Variants in RPS6KA6 observed in about 807,000 individuals in gnomAD.
RPS6KA6 encodes the protein ribosomal protein S6 kinase A6.
Under a neutral mutation model 65.4 loss-of-function variants are expected in RPS6KA6, and 27 were observed. The observed-to-expected ratio is 0.41, with a 90% CI of 0.30 to 0.57. The LOEUF (loss-of-function observed/expected upper bound fraction) is 0.57, where lower values mean the gene tolerates loss of function less well. Ranked by LOEUF, RPS6KA6 falls within the 20% of genes least tolerant of loss-of-function variation. The pLI, the probability that RPS6KA6 is intolerant of heterozygous loss-of-function variation, is 0.24. For missense variants in RPS6KA6, 486 were observed against 555.6 expected, an observed-to-expected ratio of 0.87 and a Z score of 1.26; for synonymous variants, 190 against 184.2, an observed-to-expected ratio of 1.03 and a Z score of -0.26.
intron 12 of RPS6KA6, among the ~76,000 whole-genome samples, chrX:84,114,722 T>C (rs763890082): frequency 5.5e-4 from 62 of 111,764 alleles, no homozygotes; most frequent in Non-Finnish European, 8.1e-4. Flanking sequence ...TACAAGGCTA[T>C]AGTAACTAAA....
intron 8 of RPS6KA6, among the ~76,000 whole-genome samples, chrX:84,134,048 T>C (rs1457695361): frequency 8.9e-6 from 1 of 112,374 alleles, no homozygotes; most frequent in African/African-American, 3.2e-5. Context: ...TGTTCAAGCA[T>C]TCAAATAATA....
chrX:84,070,602 G>A (rs1310152295), intron 20 of RPS6KA6, among the ~76,000 whole-genome samples: 2 of 110,865 alleles, frequency 1.8e-5, no homozygotes, highest in Non-Finnish European at 3.8e-5. Context: ...CAAAATCATC[G>A]TATGCAAACG....
At chrX:84,155,727 G>A (rs1355352725) in intron 3 of RPS6KA6, among the ~76,000 whole-genome samples, 7 of 112,253 alleles carry the variant, frequency 6.2e-5, no homozygotes, top group African/African-American at 9.7e-5. Flanking sequence ...ATCACCAGGA[G>A]AAAACAAGCT....
In RPS6KA6 at chrX:84,102,124, T is replaced by A; in HGVS notation, c.1689A>T (p.Ile563=). Residue 563 remains isoleucine (I), a synonymous_variant, in exon 18 of 22, where the codon ATA becomes ATT. Transcript: ENST00000262752. Reference sequence around the variant, plus strand: ...GTTGTTTTGCAAACCCAAAATCACATATCCTGATTGAATCTGCACTGGCTG... The same window carrying A: ...GTTGTTTTGCAAACCCAAAATCACAAATCCTGATTGAATCTGCACTGGCTG... The part of the protein sequence containing the change: ...DESASADSIR[I]CDFGFAKQLR... The A allele has an allele frequency of 8.4e-7, 1 of 1,195,228 alleles. No homozygotes were observed. The highest frequency in any genetic ancestry group is 2.2e-5 in the Admixed American group (1 of 45,164).
intron 4 of RPS6KA6, among the ~76,000 whole-genome samples, chrX:84,147,767 AAAG>A (rs1230904524): frequency 1.2e-4 from 13 of 112,303 alleles, no homozygotes; most frequent in African/African-American, 3.2e-4. Context: ...AAGAATCTTG[AAAG>A]AAGAGAATAT....
intron 6 of RPS6KA6, among the ~76,000 whole-genome samples, chrX:84,140,594 G>A (rs760662367): frequency 1.6e-3 from 168 of 107,253 alleles, no homozygotes; most frequent in African/African-American, 5.5e-3. Context: ...AGAATTAGCC[G>A]GGCTAACTGT....
intron 1 of RPS6KA6, among the ~76,000 whole-genome samples, chrX:84,178,634 G>T (rs752443629): frequency 2.1e-4 from 23 of 111,292 alleles, no homozygotes; most frequent in Non-Finnish European, 3.8e-4. Context: ...CTACACATAT[G>T]TGACAAAATG....
rs770157247 is a variant in RPS6KA6, at chrX:84,066,221, T to C, written c.1972-1110A>G. ...GCTAGCTGCAGTTTTTTTTTTTTTT[T>C]TCGTAACCCAGTGGTGCCTGGAATC... is the stretch of plus-strand genomic sequence containing the variant. On this transcript the variant is annotated intron_variant, in intron 20 of 21. Transcript: ENST00000262752. Among the ~76,000 whole-genome samples the C allele has an allele frequency of 3.2e-4, 35 of 108,300 alleles. 1 individual carries two copies. The highest frequency in any genetic ancestry group is 3.0e-3 in the Admixed American group (30 of 10,128). The allele number at this position is 108,300 out of a possible 115,157, so 94.0% of individuals were successfully genotyped here.
chrX:84,178,343 G>C (rs999500571), intron 1 of RPS6KA6, among the ~76,000 whole-genome samples: 4 of 111,697 alleles, frequency 3.6e-5, no homozygotes, highest in Admixed American at 2.9e-4. Flanking sequence ...ACTGCAGAAT[G>C]AGAAAGTTCA....
chrX:84,144,570 G>C (rs946322889), intron 6 of RPS6KA6, among the ~76,000 whole-genome samples: 2 of 111,251 alleles, frequency 1.8e-5, no homozygotes. Context: ...CTCTTACGCT[G>C]CTGGTGGGAA....
chrX:84,109,611 T>C (rs2034430751), intron 12 of RPS6KA6, among the ~76,000 whole-genome samples: 1 of 110,855 alleles, frequency 9.0e-6, no homozygotes, highest in Non-Finnish European at 1.9e-5. Flanking sequence ...ATTCTGCAAC[T>C]GCCTAAGTGT....
At chrX:84,171,928 T>C (rs774114080) in intron 1 of RPS6KA6, among the ~76,000 whole-genome samples, 14 of 111,244 alleles carry the variant, frequency 1.3e-4, no homozygotes, top group African/African-American at 2.0e-4. Context: ...TGAGAACATG[T>C]GGTGTTCGGT....
chrX:84,122,311 G>C (rs1248850213), intron 8 of RPS6KA6, among the ~76,000 whole-genome samples: 1 of 107,986 alleles, frequency 9.3e-6, no homozygotes, highest in Non-Finnish European at 1.9e-5. Context: ...AAGTCATGCT[G>C]GCCTCAGCCA....
chrX:84,078,472 A>C (rs1161058863), intron 20 of RPS6KA6, among the ~76,000 whole-genome samples: 1 of 111,915 alleles, frequency 8.9e-6, no homozygotes, highest in African/African-American at 3.2e-5. Flanking sequence ...ATATACACAC[A>C]TAAAACCACT....
At chrX:84,085,628 A>T (rs527381230) in intron 20 of RPS6KA6, among the ~76,000 whole-genome samples, 8 of 111,288 alleles carry the variant, frequency 7.2e-5, no homozygotes, top group Admixed American at 9.6e-5. Context: ...GGGATACTGA[A>T]CTGGAGTTAT....
chrX:84,075,461 A>T (rs2033645349), intron 20 of RPS6KA6, among the ~76,000 whole-genome samples: 1 of 111,500 alleles, frequency 9.0e-6, no homozygotes. Flanking sequence ...TTGGGAGCAG[A>T]AAAGAATATT....
chrX:84,187,756 G>A, intron 1 of RPS6KA6, 63 bp downstream of exon 1: 1 of 1,088,427 alleles, frequency 9.2e-7, no homozygotes, highest in Admixed American at 2.4e-5. Context: ...TCCGTCCCCA[G>A]CCAAGGTCTT....
chrX:84,188,022 C>T lies in RPS6KA6; in HGVS notation c.-123G>A. ...CCGCCGCCGCCGCGACCCCCAGCCC[C>T]GCCTTCAGCGAGCGCTGCCCTCGCC... On this transcript the variant is annotated 5_prime_UTR_variant, in exon 1 of 22. Coordinates refer to ENST00000262752, the MANE Select transcript of RPS6KA6 (RefSeq NM_014496.5). 2 of 367,363 alleles carry T rather than the reference C, an allele frequency of 5.4e-6. No homozygotes were observed. The highest frequency in any genetic ancestry group is 1.0e-4 in the South Asian group (1 of 10,044). The allele number at this position is 367,363 out of a possible 1,213,427, so 30.3% of individuals were successfully genotyped here.
intron 20 of RPS6KA6, among the ~76,000 whole-genome samples, chrX:84,082,993 C>A (rs2033836131): frequency 8.9e-6 from 1 of 112,022 alleles, no homozygotes; most frequent in Admixed American, 9.4e-5. Context: ...CCATAAAAAC[C>A]CTAGAAGAAA....
Sources: allele counts gnomAD v4.1 joint callset (sites outside exome capture counted in the v4.1 genomes callset), GRCh38; gene constraint gnomAD v4.1.1; transcripts MANE v1.5; gene names NCBI Gene and HGNC (gene_info 2026-07-23, HGNC 2026-07-21).